The following OR2T1 variants were observed in gnomAD, a reference collection of about 807,000 sequenced individuals.
OR2T1 encodes the protein olfactory receptor family 2 subfamily T member 1.
For missense variants in OR2T1, 440 were observed against 390.2 expected (o/e 1.13, Z -1.07); for synonymous variants, 186 against 145.4 (o/e 1.28, Z -2.01).
At chr1:248,403,490 G>A (rs754648220) in intron 1 of OR2T1, among the ~76,000 whole-genome samples, 76 of 152,104 alleles carry the variant, frequency 5.0e-4, no homozygotes, top group Non-Finnish European at 7.9e-4. Context: ...TGTTTAGGAA[G>A]ATAATCCAAG....
At chr1:248,406,021 T>G (rs751592371) in intron 1 of OR2T1, 94 bp from the exon 2 acceptor site, 4 of 1,610,436 alleles carry the variant, frequency 2.5e-6, no homozygotes, top group African/African-American at 1.3e-5. Flanking sequence ...ATTTTTTAAA[T>G]GTTTTCTTCC....
Position 248,406,216 on chromosome 1 carries a change from A to G in OR2T1, c.69A>G (p.Ser23=), listed in dbSNP as rs1661551809. The stretch of plus-strand genomic sequence containing the variant: ...GGCTGTTCAACAGAAAGGAAACCTC[A>G]GGTCTTATTTTTGCCATCATCTCTA... ...FMGLFNRKET[S]GLIFAIISII... is the part of the protein sequence containing the mutation. Residue 23 remains serine, a synonymous_variant, in exon 2 of 2, where the codon TCA becomes TCG. Transcript: ENST00000642005. 1.2e-6 allele frequency: 2 copies of G among 1,614,002 alleles called. No individual in the cohort carries two copies. Among genetic ancestry groups the G allele is most frequent in the Non-Finnish European group, 1.7e-6 (2 of 1,179,914 alleles).
Position 248,406,778 on chromosome 1 carries a change from T to C in OR2T1, c.631T>C (p.Ser211Pro). Reference protein sequence around the residue: ...CCVLMLLIPFSVVLASYARIL... With the variant: ...CCVLMLLIPFPVVLASYARIL... The stretch of plus-strand genomic sequence containing the variant: ...TGTTTTGATGCTGCTGATTCCTTTC[T>C]CTGTAGTCCTTGCTTCCTATGCCCG... The change falls in exon 2 of 2, where the codon TCT becomes CCT. Residue 211 changes from serine to proline, a missense_variant. Transcript: ENST00000642005. 1.2e-6 allele frequency: 2 copies of C among 1,614,196 alleles called. No homozygotes were observed. Among genetic ancestry groups the C allele is most frequent in the Non-Finnish European group, 1.7e-6 (2 of 1,180,032 alleles).
Position 248,407,164 on chromosome 1 carries a change from C to A in OR2T1, c.*60C>A. 1 of 1,472,164 alleles carries A rather than the reference C, an allele frequency of 6.8e-7. No homozygotes were observed. Among genetic ancestry groups the A allele is most frequent in the Non-Finnish European group, 9.1e-7 (1 of 1,095,984 alleles). 91.2% of individuals were successfully genotyped at this position (1,472,164 alleles called of 1,614,324 possible). A position where few individuals can be genotyped will look rare whatever the true frequency, so the allele number is the denominator to read the frequency against. On this transcript the variant is annotated 3_prime_UTR_variant, in exon 2 of 2. Coordinates refer to ENST00000642005, the MANE Select transcript of OR2T1 (RefSeq NM_030904.2). ...GGACTCTGTGGTCACTGTGGCTGTGCTTTCATCAAAAGATGAAGCAAAAAG... is the reference window on the plus strand; with the variant it reads ...GGACTCTGTGGTCACTGTGGCTGTGATTTCATCAAAAGATGAAGCAAAAAG...
Position 248,406,798 on chromosome 1 carries a change from T to A in OR2T1, c.651T>A (p.Tyr217Ter). 2 of 1,614,186 alleles carry A rather than the reference T, an allele frequency of 1.2e-6. No individual in the cohort carries two copies. Among genetic ancestry groups the A allele is most frequent in the Non-Finnish European group, 1.7e-6 (2 of 1,180,018 alleles). The change falls in exon 2 of 2, where the codon TAT (tyrosine) becomes TAA (stop). Residue 217 changes from tyrosine to a stop codon, truncating the protein, a stop_gained. Transcript: ENST00000642005. LOFTEE classifies it low-confidence loss of function (END_TRUNC). ...LIPFSVVLAS[Y>*]ARILTTVQCM... ...CTTTCTCTGTAGTCCTTGCTTCCTA[T>A]GCCCGAATCCTGACTACAGTTCAGT...
chr1:248,407,039 G>A lies in OR2T1; in HGVS notation c.892G>A (p.Gly298Arg), dbSNP rs758618454. Residue 298 changes from glycine (G) to arginine (R), a missense_variant, in exon 2 of 2, where the codon GGA becomes AGA. Physicochemically the swap from Gly to Arg is moderately radical, Grantham distance 125. Coordinates refer to ENST00000642005, the MANE Select transcript of OR2T1 (RefSeq NM_030904.2). ...IYSLRNKDVT[G>R]ALKRALGRFK... The stretch of plus-strand genomic sequence containing the variant: ...CAGCCTTAGAAACAAGGATGTGACT[G>A]GAGCTCTGAAGAGGGCCTTGGGGAG... 14 of 1,613,902 alleles carry A rather than the reference G, an allele frequency of 8.7e-6. 1 individual carries two copies. The highest frequency in any genetic ancestry group is 1.7e-4 in the Middle Eastern group (1 of 6,058).
At chr1:248,406,047 G>A (rs773073764) in intron 1 of OR2T1, 68 bp from the exon 2 acceptor site, 4 of 1,613,158 alleles carry the variant, frequency 2.5e-6, no homozygotes, top group Non-Finnish European at 8.5e-7. Context: ...TTAAAAGTTT[G>A]CTGCCTAACA....
chr1:248,404,245 G>GGGCGCTACTACATATACGTGTGCGT, intron 1 of OR2T1, among the ~76,000 whole-genome samples: 2 of 150,970 alleles, frequency 1.3e-5, no homozygotes, highest in African/African-American at 4.9e-5. Context: ...AGACAGCAGA[G>GGGCGCTACTACATATACGTGTGCGT]ACCACTGTTT....
intron 1 of OR2T1, 22 bp downstream of exon 1, chr1:248,403,267 A>G (rs1258697480): frequency 6.6e-6 from 1 of 152,168 alleles, no homozygotes; most frequent in East Asian, 1.9e-4. Flanking sequence ...TTAAATTCAT[A>G]GATTTTAGTT....
Position 248,406,199 on chromosome 1 carries a change from A to C in OR2T1, c.52A>C (p.Asn18His), listed in dbSNP as rs781528310. 5.6e-6 allele frequency: 9 copies of C among 1,614,082 alleles called. No homozygotes were observed. The highest frequency in any genetic ancestry group is 6.8e-6 in the Non-Finnish European group (8 of 1,179,984). ...AGACTTCACTTTCATGGGGCTGTTCAACAGAAAGGAAACCTCAGGTCTTAT... is the reference window on the plus strand; with the variant it reads ...AGACTTCACTTTCATGGGGCTGTTCCACAGAAAGGAAACCTCAGGTCTTAT... ...STDFTFMGLF[N>H]RKETSGLIFA... The change falls in exon 2 of 2, where the codon AAC becomes CAC. Residue 18 changes from asparagine to histidine, a missense_variant. Physicochemically the swap from Asn to His is moderately conservative, Grantham distance 68. Coordinates refer to ENST00000642005, the MANE Select transcript of OR2T1 (RefSeq NM_030904.2).
rs772851381 is a variant in OR2T1, at chr1:248,406,501, C to G, written c.354C>G (p.Ala118=). The change falls in exon 2 of 2, where the codon GCC becomes GCG. Residue 118 remains alanine (A), a synonymous_variant. Coordinates refer to ENST00000642005, the MANE Select transcript of OR2T1 (RefSeq NM_030904.2). ...GAEFFLLGLM[A]YDRYVAICNP... ...AATTCTTCCTGCTGGGCCTCATGGC[C>G]TATGACCGCTATGTGGCCATTTGCA... 1.6e-5 allele frequency: 26 copies of G among 1,614,010 alleles called. No homozygotes were observed. The highest frequency in any genetic ancestry group is 2.1e-5 in the Non-Finnish European group (25 of 1,180,020).
In OR2T1 at chr1:248,407,211, A is replaced by G. The variant is rs114688900; in HGVS notation, c.*107A>G. 2.6e-4 allele frequency: 303 copies of G among 1,186,114 alleles called. 1 individual carries two copies. The African/African-American group carries it at 4.2e-3, about 17-fold the overall frequency. The allele number at this position is 1,186,114 out of a possible 1,614,324, so 73.5% of individuals were successfully genotyped here. A position where few individuals can be genotyped will look rare whatever the true frequency, so the allele number is the denominator to read the frequency against. ...AAAGGGAGGGAGTCATATGATTACAATATTGGTTTTTTGGCTAGGGTTTCT... is the reference window on the plus strand; with the variant it reads ...AAAGGGAGGGAGTCATATGATTACAGTATTGGTTTTTTGGCTAGGGTTTCT... On this transcript the variant is annotated 3_prime_UTR_variant, in exon 2 of 2. Coordinates refer to ENST00000642005, the MANE Select transcript of OR2T1 (RefSeq NM_030904.2).
At position 248,406,324 on chromosome 1, in the gene OR2T1, C is replaced by T. The variant is rs1334915100; in HGVS notation, c.177C>T (p.Tyr59=). The part of the protein sequence containing the change: ...QTDLRLHTPM[Y]FLLSHLSLID... ...ATTTGCGCCTTCATACACCCATGTA[C>T]TTCCTCCTCAGCCACCTTTCCTTAA... Residue 59 remains tyrosine (Y), a synonymous_variant, in exon 2 of 2, where the codon TAC becomes TAT. Coordinates refer to ENST00000642005, the MANE Select transcript of OR2T1 (RefSeq NM_030904.2). 1 of 1,614,144 alleles carries T rather than the reference C, an allele frequency of 6.2e-7. No homozygotes were observed. Among genetic ancestry groups the T allele is most frequent in the African/African-American group, 1.3e-5 (1 of 75,056 alleles).
chr1:248,407,067 T>A lies in OR2T1; in HGVS notation c.920T>A (p.Phe307Tyr). ...TGALKRALGRFKGPQRVSGGV... is the reference protein window; with the variant it reads ...TGALKRALGRYKGPQRVSGGV... ...GCTCTGAAGAGGGCCTTGGGGAGGT[T>A]CAAGGGTCCTCAAAGGGTGTCAGGA... Residue 307 changes from phenylalanine (F) to tyrosine (Y), a missense_variant, in exon 2 of 2, where the codon TTC becomes TAC. Physicochemically the swap from Phe to Tyr is conservative, Grantham distance 22 (BLOSUM62 3). Transcript: ENST00000642005. 1.9e-6 allele frequency: 3 copies of A among 1,609,364 alleles called. No individual in the cohort carries two copies. Among genetic ancestry groups the A allele is most frequent in the Non-Finnish European group, 2.5e-6 (3 of 1,177,704 alleles).
rs759461873 is a variant in OR2T1 at position 248,407,071 on chromosome 1, G to C, written c.924G>C (p.Lys308Asn). The C allele has an allele frequency of 6.2e-7, 1 of 1,609,374 alleles. No homozygotes were observed. Among genetic ancestry groups the C allele is most frequent in the Non-Finnish European group, 8.5e-7 (1 of 1,177,736 alleles). The change falls in exon 2 of 2, where the codon AAG (lysine) becomes AAC (asparagine). Residue 308 changes from lysine (K) to asparagine (N), a missense_variant. Coordinates refer to ENST00000642005, the MANE Select transcript of OR2T1 (RefSeq NM_030904.2). ...TGAAGAGGGCCTTGGGGAGGTTCAA[G>C]GGTCCTCAAAGGGTGTCAGGAGGTG... ...GALKRALGRF[K>N]GPQRVSGGVF
intron 1 of OR2T1, among the ~76,000 whole-genome samples, chr1:248,405,808 G>T (rs1025633989): frequency 3.9e-5 from 6 of 152,162 alleles, no homozygotes; most frequent in Admixed American, 2.6e-4. Flanking sequence ...GCATACACCG[G>T]ACCATGGTAT....
Position 248,406,272 on chromosome 1 carries a change from G to C in OR2T1, c.125G>C (p.Gly42Ala), listed in dbSNP as rs1465796719. 6.2e-7 allele frequency: 1 copy of C among 1,614,024 alleles called. No individual in the cohort carries two copies. Among genetic ancestry groups the C allele is most frequent in the East Asian group, 2.2e-5 (1 of 44,884 alleles). The change falls in exon 2 of 2, where the codon GGG (glycine) becomes GCG (alanine). Residue 42 changes from glycine to alanine, a missense_variant. Physicochemically the swap from Gly to Ala is moderately conservative, Grantham distance 60. Transcript: ENST00000642005. The stretch of plus-strand genomic sequence containing the variant: ...TTCTTCACCGCACTGATGGCCAATG[G>C]GGTTATGATCTTCCTGATCCAAACA... ...IIFFTALMAN[G>A]VMIFLIQTDL...
Position 248,407,157 on chromosome 1 carries a change from G to C in OR2T1, c.*53G>C. On this transcript the variant is annotated 3_prime_UTR_variant, in exon 2 of 2. Coordinates refer to ENST00000642005, the MANE Select transcript of OR2T1 (RefSeq NM_030904.2). ...AAATGGGGGACTCTGTGGTCACTGT[G>C]GCTGTGCTTTCATCAAAAGATGAAG... is the stretch of plus-strand genomic sequence containing the variant. 1 of 1,488,178 alleles carries C rather than the reference G, an allele frequency of 6.7e-7. No homozygotes were observed. Among genetic ancestry groups the C allele is most frequent in the Non-Finnish European group, 9.0e-7 (1 of 1,109,256 alleles). 92.2% of individuals were successfully genotyped at this position (1,488,178 alleles called of 1,614,324 possible). A position where few individuals can be genotyped will look rare whatever the true frequency, so the allele number is the denominator to read the frequency against.
intron 1 of OR2T1, among the ~76,000 whole-genome samples, chr1:248,403,957 T>C (rs943953214): frequency 1.3e-5 from 2 of 151,878 alleles, no homozygotes; most frequent in African/African-American, 4.8e-5. Flanking sequence ...GTTACATATA[T>C]ACATATATAA....
Sources: allele counts gnomAD v4.1 joint callset (sites outside exome capture counted in the v4.1 genomes callset), GRCh38; gene constraint gnomAD v4.1.1; transcripts MANE v1.5; gene names NCBI Gene and HGNC (gene_info 2026-07-23, HGNC 2026-07-21).